The following LRRIQ1 variants were observed in gnomAD, a reference collection of about 807,000 sequenced individuals.
The protein encoded by LRRIQ1 is leucine rich repeats and IQ motif containing 1.
LRRIQ1 carries 210 observed loss-of-function variants against 211.9 expected under a neutral mutation model. The observed-to-expected ratio is 0.99, with a 90% CI of 0.89 to 1.11. The LOEUF (loss-of-function observed/expected upper bound fraction) is 1.11. Ranked by LOEUF, LRRIQ1 falls within the 50% of genes most tolerant of loss-of-function variation. LRRIQ1 has a pLI of 0.00. For missense variants in LRRIQ1, 2,136 were observed against 1,939.5 expected (o/e 1.10, Z -1.90); for synonymous variants, 699 against 650.1 (o/e 1.08, Z -1.14).
rs1372890308 is a variant in LRRIQ1, at chr12:85,141,612, C to T, written c.4329+3643C>T. 1.1e-4 allele frequency among the ~76,000 whole-genome samples: 14 copies of T among 132,254 alleles called. 1 individual carries two copies. Among genetic ancestry groups the T allele is most frequent in the Admixed American group, 4.0e-4 (5 of 12,400 alleles). The allele number at this position is 132,254 out of a possible 152,430, so 86.8% of individuals were successfully genotyped here. On this transcript the variant is annotated intron_variant, in intron 19 of 26. Transcript: ENST00000393217. ...TTTTTTTTGGCTACTGTTTTCATAA[C>T]GTATATCTTTCTAACCATTCTCATT...
At chr12:85,045,188 T>C (rs758239280) in intron 4 of LRRIQ1, among the ~76,000 whole-genome samples, 9 of 151,912 alleles carry the variant, frequency 5.9e-5, no homozygotes, top group Non-Finnish European at 1.3e-4. Flanking sequence ...TATAGAAAAT[T>C]TAAATTTACA....
At position 85,127,795 on chromosome 12, in the gene LRRIQ1, T is replaced by TA. The variant is rs762446360; in HGVS notation, c.4008-30dup. On this transcript the variant is annotated intron_variant, in intron 17 of 26. Transcript: ENST00000393217. ...TCTACAACTCTGTATTTACAGATAA[T>TA]AAAAAAAGTGTGTGTTTTTTTTTCT... 17 of 1,560,806 alleles carry TA rather than the reference T, an allele frequency of 1.1e-5. No individual in the cohort carries two copies. In the East Asian group the frequency reaches 1.8e-4, roughly 16 times the overall value.
chr12:85,217,577 C>T (rs1199849235), intron 24 of LRRIQ1, among the ~76,000 whole-genome samples: 861 of 36,538 alleles, frequency 0.024, no homozygotes, highest in Middle Eastern at 0.065. Flanking sequence ...TGTGTGTATA[C>T]ATATGTATAT....
chr12:85,088,199 G>C (rs1389175136), intron 11 of LRRIQ1, among the ~76,000 whole-genome samples: 2 of 152,094 alleles, frequency 1.3e-5, no homozygotes, highest in African/African-American at 4.8e-5. Flanking sequence ...TTATTAAATA[G>C]GGAATCCTTT....
At chr12:85,181,752 T>C (rs560676361) in intron 24 of LRRIQ1, among the ~76,000 whole-genome samples, 192 of 152,138 alleles carry the variant, frequency 1.3e-3, no homozygotes, top group Non-Finnish European at 1.0e-3. Context: ...CCTATCTCAT[T>C]GTGAGGAATC....
chr12:85,142,332 CT>C (rs1889599439), intron 19 of LRRIQ1, among the ~76,000 whole-genome samples: 1 of 151,302 alleles, frequency 6.6e-6, no homozygotes, highest in Non-Finnish European at 1.5e-5. Context: ...TGGTAAATAT[CT>C]TTCATTAGTT....
chr12:85,059,872 C>T (rs921131386), intron 8 of LRRIQ1, among the ~76,000 whole-genome samples: 3 of 151,770 alleles, frequency 2.0e-5, no homozygotes, highest in African/African-American at 7.3e-5. Context: ...AAAAGAACTG[C>T]AATTGAATGT....
At chr12:85,239,188 G>A (rs955652139) in intron 26 of LRRIQ1, among the ~76,000 whole-genome samples, 1 of 151,904 alleles carries the variant, frequency 6.6e-6, no homozygotes, top group African/African-American at 2.4e-5. Flanking sequence ...TAGATTCAAA[G>A]CAATCCCAGT....
chr12:85,049,593 G>A (rs1880057566), intron 6 of LRRIQ1, among the ~76,000 whole-genome samples: 1 of 151,996 alleles, frequency 6.6e-6, no homozygotes, highest in Non-Finnish European at 1.5e-5. Flanking sequence ...TAAAACAAAA[G>A]AAAAATCGTG....
chr12:85,065,125 T>C, intron 8 of LRRIQ1, 137 bp from the exon 9 acceptor site: 4 of 627,394 alleles, frequency 6.4e-6, no homozygotes, highest in Non-Finnish European at 9.8e-6. Flanking sequence ...CAAATTGAGT[T>C]GTTAATAAAT....
At chr12:85,268,764 C>T (rs1896475718), downstream of LRRIQ1, among the ~76,000 whole-genome samples, 1 of 151,762 alleles carries the variant, frequency 6.6e-6, no homozygotes, top group South Asian at 2.1e-4. Context: ...TGTTTTGTTT[C>T]GTTGTTAATC....
intron 11 of LRRIQ1, among the ~76,000 whole-genome samples, chr12:85,094,540 G>T (rs1885693170): frequency 6.6e-6 from 1 of 151,990 alleles, no homozygotes; most frequent in African/African-American, 2.4e-5. Flanking sequence ...TTGAAGTCTG[G>T]TAGTGTGATA....
chr12:85,236,091 T>C (rs894041856), intron 26 of LRRIQ1, among the ~76,000 whole-genome samples: 2 of 151,978 alleles, frequency 1.3e-5, no homozygotes. Flanking sequence ...GGAGTATGAA[T>C]GCACACCTTT....
chr12:85,200,338 A>T (rs1240987825), intron 24 of LRRIQ1, among the ~76,000 whole-genome samples: 2 of 152,112 alleles, frequency 1.3e-5, no homozygotes, highest in Non-Finnish European at 1.5e-5. Context: ...CATTTTGCTG[A>T]AGTTGTTTAT....
chr12:85,065,300 T>C lies in LRRIQ1; in HGVS notation c.2430T>C (p.Val810=), dbSNP rs755495889. The C allele has an allele frequency of 1.9e-6, 3 of 1,610,666 alleles. No homozygotes were observed. Among genetic ancestry groups the C allele is most frequent in the Non-Finnish European group, 1.7e-6 (2 of 1,177,838 alleles). Reference sequence around the variant, plus strand: ...CATTTCAAGATTTGCCAGGCTGTGTTCTCTCCACACTGGCAGAGTGTACAA... The same window carrying C: ...CATTTCAAGATTTGCCAGGCTGTGTCCTCTCCACACTGGCAGAGTGTACAA... ...TVTFQDLPGC[V]LSTLAECTNL... The change falls in exon 9 of 27, where the codon GTT becomes GTC. Residue 810 remains valine (V), a synonymous_variant. Coordinates refer to ENST00000393217, the MANE Select transcript of LRRIQ1 (RefSeq NM_001079910.2).
chr12:85,092,687 T>G (rs2136237723), intron 11 of LRRIQ1, among the ~76,000 whole-genome samples: 1 of 152,318 alleles, frequency 6.6e-6, no homozygotes, highest in Non-Finnish European at 1.5e-5. Context: ...TCAAAACTTC[T>G]TTGTCACATG....
chr12:85,229,089 A>G (rs1034201763), intron 24 of LRRIQ1, among the ~76,000 whole-genome samples: 5 of 152,196 alleles, frequency 3.3e-5, no homozygotes, highest in Non-Finnish European at 7.4e-5. Flanking sequence ...ATGAAAATTC[A>G]GGTTCAAAAA....
intron 1 of LRRIQ1, among the ~76,000 whole-genome samples, chr12:85,257,038 TTATA>T (rs1283828283): frequency 1.7e-5 from 2 of 117,608 alleles, no homozygotes; most frequent in African/African-American, 6.9e-5. Flanking sequence ...ATAATATATA[TTATA>T]TAATTATATA....
intron 24 of LRRIQ1, among the ~76,000 whole-genome samples, chr12:85,189,071 AG>A (rs1892366813): frequency 6.6e-6 from 1 of 152,152 alleles, no homozygotes; most frequent in Non-Finnish European, 1.5e-5. Context: ...CTTGATCGTA[AG>A]ATTAAGTTAA....
Sources: gnomAD v4.1 joint callset for allele counts (sites outside exome capture counted in the v4.1 genomes callset) on GRCh38, gnomAD v4.1.1 for gene constraint, MANE v1.5 for transcripts, NCBI Gene and HGNC (gene_info 2026-07-23, HGNC 2026-07-21) for gene names.